The following P2RY12 variants were observed in gnomAD, a reference collection of about 807,000 sequenced individuals.
P2RY12 encodes purinergic receptor P2Y12, also known as P2Y purinoceptor 12.
In P2RY12, 3 loss-of-function variants were observed where a neutral mutation model predicts 4.5. That is an observed-to-expected ratio of 0.67 (90% confidence interval 0.31 to 1.74). The LOEUF (loss-of-function observed/expected upper bound fraction) is 1.74. P2RY12 is among the 40% of genes most tolerant of loss of function. P2RY12 has a pLI of 0.09. For synonymous variants in P2RY12, 148 were observed against 154.1 expected (o/e 0.96, Z 0.29); for missense variants, 356 against 407.8 (o/e 0.87, Z 1.09).
At chr3:151,372,714 C>A (rs745648893) in intron 1 of P2RY12, 1 of 1,613,886 alleles carries the variant, frequency 6.2e-7, no homozygotes, top group South Asian at 1.1e-5. Flanking sequence ...TCCATAGAAA[C>A]TGCCAATTTA....
In P2RY12 at chr3:151,338,079, C is replaced by T. The variant is rs121917885; in HGVS notation, c.767G>A (p.Arg256Gln). Reference protein sequence around the residue: ...FICFVPFHFARIPYTLSQTRD... With the variant: ...FICFVPFHFAQIPYTLSQTRD... Reference sequence around the variant, plus strand: ...GGTTTGGCTCAGGGTGTAAGGAATTCGGGCAAAATGGAAAGGAACAAAACA... The same window carrying T: ...GGTTTGGCTCAGGGTGTAAGGAATTTGGGCAAAATGGAAAGGAACAAAACA... Residue 256 changes from arginine to glutamine, a missense_variant, in exon 3 of 3, where the codon CGA becomes CAA. Physicochemically the swap from Arg to Gln is conservative, Grantham distance 43. Coordinates refer to ENST00000302632, the MANE Select transcript of P2RY12 (RefSeq NM_022788.5). The T allele has an allele frequency of 1.5e-5, 24 of 1,613,726 alleles. No homozygotes were observed. The highest frequency in any genetic ancestry group is 1.7e-4 in the Middle Eastern group (1 of 6,060).
chr3:151,372,534 C>A (rs1560092608), intron 1 of P2RY12: 3 of 1,548,564 alleles, frequency 1.9e-6, no homozygotes, highest in Admixed American at 3.3e-5. Flanking sequence ...TTTTGAACTT[C>A]TGTGATTTTG....
At chr3:151,340,896 T>TG (rs1432438124) in intron 1 of P2RY12, 136 bp from the exon 2 acceptor site, 6 of 152,234 alleles carry the variant, frequency 3.9e-5, no homozygotes, top group Admixed American at 1.3e-4. Context: ...TCCCAGGAAA[T>TG]GTGGGATGAG....
chr3:151,355,031 G>C (rs187081167), intron 1 of P2RY12: 1 of 874,538 alleles, frequency 1.1e-6, no homozygotes, highest in African/African-American at 1.7e-5. Context: ...TTTTCTGTAT[G>C]TATGCTATAC....
chr3:151,380,597 C>CAA (rs56792030), intron 1 of P2RY12, among the ~76,000 whole-genome samples: 8 of 113,272 alleles, frequency 7.1e-5, no homozygotes, highest in South Asian at 2.8e-4. Context: ...AACTCTGTCT[C>CAA]AAAAAAAAAA....
intron 1 of P2RY12, among the ~76,000 whole-genome samples, chr3:151,343,504 A>G (rs1752136643): frequency 6.6e-6 from 1 of 152,218 alleles, no homozygotes; most frequent in South Asian, 2.1e-4. Flanking sequence ...CAGTTAGACC[A>G]CTTAATGCTG....
chr3:151,382,735 G>A (rs564982734), intron 1 of P2RY12: 1 of 1,606,750 alleles, frequency 6.2e-7, no homozygotes, highest in Non-Finnish European at 8.5e-7. Flanking sequence ...TTGCAACTCC[G>A]CCTAAATTTG....
intron 1 of P2RY12, among the ~76,000 whole-genome samples, chr3:151,348,652 A>G (rs985995628): frequency 8.6e-5 from 13 of 151,970 alleles, no homozygotes; most frequent in Non-Finnish European, 1.5e-4. Context: ...ATAGATTGGC[A>G]GGGCATATAA....
Position 151,338,358 on chromosome 3 carries a change from G to A in P2RY12, c.488C>T (p.Thr163Ile), listed in dbSNP as rs566389626. 40 of 1,614,086 alleles carry A rather than the reference G, an allele frequency of 2.5e-5. No individual in the cohort carries two copies. The South Asian group carries it at 2.9e-4, about 12-fold the overall frequency. The change falls in exon 3 of 3, where the codon ACC becomes ATC. Residue 163 changes from threonine (T) to isoleucine (I), a missense_variant. Transcript: ENST00000302632. The part of the protein sequence containing the change: ...FLLSLPNMIL[T>I]NRQPRDKNVK... ...ATTCTTGTCTCTCGGCTGCCTGTTG[G>A]TCAGAATCATGTTAGGCAAAGAGAG... is the stretch of plus-strand genomic sequence containing the variant.
chr3:151,377,703 G>A (rs1454034436), intron 1 of P2RY12, among the ~76,000 whole-genome samples: 3 of 152,154 alleles, frequency 2.0e-5, no homozygotes, highest in Non-Finnish European at 4.4e-5. Context: ...TGACAGAAAA[G>A]TATATTGTTT....
intron 1 of P2RY12, among the ~76,000 whole-genome samples, chr3:151,352,432 A>T (rs764404284): frequency 3.3e-5 from 5 of 152,154 alleles, no homozygotes; most frequent in Non-Finnish European, 7.4e-5. Context: ...TTAATTTGGG[A>T]TGTAGTGAGC....
At chr3:151,381,772 A>G (rs538698409) in intron 1 of P2RY12, among the ~76,000 whole-genome samples, 1 of 152,214 alleles carries the variant, frequency 6.6e-6, no homozygotes, top group Middle Eastern at 3.4e-3. Flanking sequence ...TTAGTTAACT[A>G]CCTTGCCCCC....
intron 1 of P2RY12, among the ~76,000 whole-genome samples, chr3:151,382,909 T>A (rs1712645870): frequency 6.6e-6 from 1 of 152,216 alleles, no homozygotes; most frequent in Non-Finnish European, 1.5e-5. Flanking sequence ...TCTGTTTCCC[T>A]TGCTGCTTTC....
At chr3:151,365,940 T>C (rs369370148) in intron 1 of P2RY12, 18 of 1,613,372 alleles carry the variant, frequency 1.1e-5, no homozygotes, top group Non-Finnish European at 1.5e-5. Context: ...AGGCTCTTTG[T>C]TGTTCTTCAA....
intron 1 of P2RY12, among the ~76,000 whole-genome samples, chr3:151,345,620 CA>C (rs1395693399): frequency 6.6e-6 from 1 of 150,728 alleles, no homozygotes; most frequent in Non-Finnish European, 1.5e-5. Flanking sequence ...CAGGTTCAAG[CA>C]ATTTTCCTGC....
In P2RY12 at chr3:151,365,143, A is replaced by G. The variant is rs753931596; in HGVS notation, c.-180+19549T>C. 48 of 1,614,102 alleles carry G rather than the reference A, an allele frequency of 3.0e-5. No individual in the cohort carries two copies. In the Admixed American group the frequency reaches 4.0e-4, roughly 13 times the overall value. ...AAGATCCTCAGTGACAATGCGGCCA[A>G]TCGCTACAGCTTTGTCTGCAATACA... On this transcript the variant is annotated intron_variant, in intron 1 of 2. Transcript: ENST00000302632.
At position 151,343,840 on chromosome 3, in the gene P2RY12, T is replaced by C. The variant is rs570831016; in HGVS notation, c.-179-3080A>G. Among the ~76,000 whole-genome samples, 20 of 152,322 alleles carry C rather than the reference T, an allele frequency of 1.3e-4. No homozygotes were observed. In the South Asian group the frequency reaches 1.7e-3, roughly 13 times the overall value. ...TCAAATGGGATTACTCTGAAACCTGTAGTCTTTTGGAACTGGGCAGGAGGA... is the reference window on the plus strand; with the variant it reads ...TCAAATGGGATTACTCTGAAACCTGCAGTCTTTTGGAACTGGGCAGGAGGA... On this transcript the variant is annotated intron_variant, in intron 1 of 2. Transcript: ENST00000302632.
Position 151,374,913 on chromosome 3 carries a change from T to C in P2RY12, c.-180+9779A>G, listed in dbSNP as rs140342323. Among the ~76,000 whole-genome samples, 594 of 152,354 alleles carry C rather than the reference T, an allele frequency of 3.9e-3. 1 individual carries two copies. Among genetic ancestry groups the C allele is most frequent in the African/African-American group, 0.014 (576 of 41,576 alleles). The stretch of plus-strand genomic sequence containing the variant: ...TTTGGTTTATTCTCCCTCCCATATA[T>C]TTGTTTTAAAAGTTCTCTTATAAAA... On this transcript the variant is annotated intron_variant, in intron 1 of 2. Coordinates refer to ENST00000302632, the MANE Select transcript of P2RY12 (RefSeq NM_022788.5).
chr3:151,373,175 G>A (rs9859538), intron 1 of P2RY12, among the ~76,000 whole-genome samples: 62,180 of 151,826 alleles, frequency 0.41, 15,146 homozygotes, highest in Non-Finnish European at 0.55. Flanking sequence ...GCCACAGTTC[G>A]ATTTTATTAA....
Sources: allele counts gnomAD v4.1 joint callset (sites outside exome capture counted in the v4.1 genomes callset), GRCh38; gene constraint gnomAD v4.1.1; transcripts MANE v1.5; gene names NCBI Gene and HGNC (gene_info 2026-07-23, HGNC 2026-07-21).